The following ANTXR1 variants were observed in gnomAD, a reference collection of about 807,000 sequenced individuals.
ANTXR1 encodes anthrax toxin receptor 1.
In ANTXR1, 19 loss-of-function variants were observed where a neutral mutation model predicts 78.1. The observed-to-expected ratio is 0.24, with a 90% CI of 0.17 to 0.36. The LOEUF is 0.36. Ranked by LOEUF, ANTXR1 falls within the 10% of genes least tolerant of loss-of-function variation. The pLI, the probability that ANTXR1 is intolerant of heterozygous loss-of-function variation, is 1.00. For missense variants in ANTXR1, 518 were observed against 718.6 expected, an observed-to-expected ratio of 0.72 and a Z score of 3.19; for synonymous variants, 273 against 260.5, an observed-to-expected ratio of 1.05 and a Z score of -0.46.
In ANTXR1 at chr2:69,090,986, G is replaced by A; in HGVS notation, c.703+67G>A. On this transcript the variant is annotated intron_variant, in intron 9 of 17. Transcript: ENST00000303714. ...GATATTTTGAGTTCAAGTCACGTATGTACTTCATTGTTGGTGGGGTGGGAA... is the reference window on the plus strand; with the variant it reads ...GATATTTTGAGTTCAAGTCACGTATATACTTCATTGTTGGTGGGGTGGGAA... 5 of 1,509,404 alleles carry A rather than the reference G, an allele frequency of 3.3e-6. No homozygotes were observed. The Admixed American group carries it at 6.7e-5, about 20-fold the overall frequency. 93.5% of individuals were successfully genotyped at this position (1,509,404 alleles called of 1,614,324 possible).
chr2:69,062,095 G>A (rs11892330), intron 3 of ANTXR1, among the ~76,000 whole-genome samples: 29,253 of 152,186 alleles, frequency 0.19, 5,564 homozygotes, highest in African/African-American at 0.46. Flanking sequence ...TGGATGCGTG[G>A]TCTAGGTTTG....
intron 9 of ANTXR1, among the ~76,000 whole-genome samples, chr2:69,095,225 T>G (rs1459216221): frequency 6.6e-6 from 1 of 152,238 alleles, no homozygotes; most frequent in African/African-American, 2.4e-5. Flanking sequence ...CTTCTTTCCC[T>G]CTTTTTCTTC....
At chr2:69,149,789 G>A (rs1181114181) in intron 12 of ANTXR1, among the ~76,000 whole-genome samples, 3 of 152,224 alleles carry the variant, frequency 2.0e-5, no homozygotes, top group Non-Finnish European at 4.4e-5. Flanking sequence ...TTCCTGTTAT[G>A]AATGTGGGCT....
chr2:69,037,228 T>G lies in ANTXR1; in HGVS notation c.153-2816T>G, dbSNP rs192615168. Among the ~76,000 whole-genome samples the G allele has an allele frequency of 1.2e-4, 18 of 152,334 alleles. No individual in the cohort carries two copies. In the East Asian group the frequency reaches 1.7e-3, roughly 15 times the overall value. On this transcript the variant is annotated intron_variant, in intron 1 of 17. Transcript: ENST00000303714. Reference sequence around the variant, plus strand: ...TAGTTGAGGTTCAGTTGGCAAAAGATCAGGAAGCTTCCATGAGCAATAGAG... The same window carrying G: ...TAGTTGAGGTTCAGTTGGCAAAAGAGCAGGAAGCTTCCATGAGCAATAGAG...
At chr2:69,207,624 A>G (rs1441031095) in intron 17 of ANTXR1, among the ~76,000 whole-genome samples, 1 of 152,182 alleles carries the variant, frequency 6.6e-6, no homozygotes, top group African/African-American at 2.4e-5. Context: ...AGAGTTGACC[A>G]TGGCTTTTTC....
At chr2:69,023,970 A>C (rs997206735) in intron 1 of ANTXR1, among the ~76,000 whole-genome samples, 1 of 152,254 alleles carries the variant, frequency 6.6e-6, no homozygotes, top group Non-Finnish European at 1.5e-5. Flanking sequence ...ATTTTATTCC[A>C]TCAGGAATAG....
intron 3 of ANTXR1, among the ~76,000 whole-genome samples, chr2:69,069,196 A>G (rs1035518272): frequency 1.1e-4 from 17 of 152,018 alleles, no homozygotes; most frequent in Admixed American, 5.2e-4. Context: ...AAAGATTACT[A>G]TTTTCTTTAG....
intron 13 of ANTXR1, among the ~76,000 whole-genome samples, chr2:69,160,519 C>A (rs1198709036): frequency 6.6e-6 from 1 of 152,140 alleles, no homozygotes; most frequent in African/African-American, 2.4e-5. Flanking sequence ...TTTCAAGATT[C>A]CCTGGTCTGT....
At chr2:69,227,797 C>G (rs1675492653) in intron 17 of ANTXR1, among the ~76,000 whole-genome samples, 1 of 152,178 alleles carries the variant, frequency 6.6e-6, no homozygotes, top group Non-Finnish European at 1.5e-5. Flanking sequence ...ATAATTTCTG[C>G]TCACATTCAG....
intron 1 of ANTXR1, among the ~76,000 whole-genome samples, chr2:69,021,217 G>A (rs1005022245): frequency 6.6e-6 from 1 of 152,140 alleles, no homozygotes; most frequent in African/African-American, 2.4e-5. Context: ...TCACACGTGA[G>A]GAGACCGAGG....
intron 17 of ANTXR1, among the ~76,000 whole-genome samples, chr2:69,229,074 C>A (rs1238305470): frequency 6.6e-6 from 1 of 152,014 alleles, no homozygotes; most frequent in East Asian, 1.9e-4. Flanking sequence ...GGGACCAACC[C>A]CATCATGAGG....
intron 12 of ANTXR1, among the ~76,000 whole-genome samples, chr2:69,143,287 G>C (rs952738909): frequency 4.6e-5 from 7 of 152,186 alleles, no homozygotes; most frequent in Non-Finnish European, 7.4e-5. Flanking sequence ...GAAGTATTTA[G>C]ATCAGAGGAT....
Position 69,219,247 on chromosome 2 carries a change from C to G in ANTXR1, c.1434+25832C>G, listed in dbSNP as rs79490319. ...GCACAAGCAAAATGGGCTGTAGGCC[C>G]TTGCCGTGACTGTAAAGGCTTCTGT... On this transcript the variant is annotated intron_variant, in intron 17 of 17. Transcript: ENST00000303714. Among the ~76,000 whole-genome samples, 1,505 of 152,222 alleles carry G rather than the reference C, an allele frequency of 9.9e-3. 25 individuals are homozygous for G. The highest frequency in any genetic ancestry group is 0.034 in the African/African-American group (1,429 of 41,512).
At chr2:69,126,888 G>C (rs1672558268) in intron 12 of ANTXR1, among the ~76,000 whole-genome samples, 1 of 152,320 alleles carries the variant, frequency 6.6e-6, no homozygotes, top group Admixed American at 6.5e-5. Context: ...CCTTGATCAA[G>C]ACCACCTCAT....
rs1676056272 is a variant in ANTXR1, at chr2:69,247,895, G to A, written c.*2410G>A. 1 of 152,300 alleles carries A rather than the reference G, an allele frequency of 6.6e-6. No homozygotes were observed. The highest frequency in any genetic ancestry group is 1.5e-5 in the Non-Finnish European group (1 of 68,038). The allele number at this position is 152,300 out of a possible 1,614,324, so 9.4% of individuals were successfully genotyped here. On this transcript the variant is annotated 3_prime_UTR_variant, in exon 18 of 18. Transcript: ENST00000303714. ...AGTTACAAGATGTTGTTTCGGCAAA[G>A]CATTTTGATGGAATAGGGAACTGCA...
At chr2:69,082,068 T>C (rs924810009) in intron 8 of ANTXR1, among the ~76,000 whole-genome samples, 5 of 152,086 alleles carry the variant, frequency 3.3e-5, no homozygotes, top group Admixed American at 2.6e-4. Flanking sequence ...AGGAAGTAGC[T>C]CCATTTCAGA....
At chr2:69,058,045 G>A (rs903585023) in intron 3 of ANTXR1, among the ~76,000 whole-genome samples, 9 of 152,204 alleles carry the variant, frequency 5.9e-5, no homozygotes, top group Admixed American at 4.6e-4. Flanking sequence ...AGGGGAGGAA[G>A]CTGCAGAAAA....
intron 13 of ANTXR1, among the ~76,000 whole-genome samples, chr2:69,155,196 T>A (rs1673490842): frequency 6.6e-6 from 1 of 152,222 alleles, no homozygotes; most frequent in Admixed American, 6.5e-5. Flanking sequence ...AGATGTAATC[T>A]ACCAGTAATG....
At chr2:69,061,922 A>G (rs1198435741) in intron 3 of ANTXR1, among the ~76,000 whole-genome samples, 3 of 152,204 alleles carry the variant, frequency 2.0e-5, no homozygotes, top group Admixed American at 6.5e-5. Flanking sequence ...AAAAGCCTTC[A>G]TTTCCATGGT....
Sources: allele counts gnomAD v4.1 joint callset (sites outside exome capture counted in the v4.1 genomes callset), GRCh38; gene constraint gnomAD v4.1.1; transcripts MANE v1.5; gene names NCBI Gene and HGNC (gene_info 2026-07-23, HGNC 2026-07-21).